Variants in ARHGAP23 observed in about 807,000 individuals in gnomAD.
The protein encoded by ARHGAP23 is rho GTPase-activating protein 23.
A neutral mutation model predicts 136.3 loss-of-function variants in ARHGAP23; 34 were observed. That is an observed-to-expected ratio of 0.25 (90% CI 0.19 to 0.33). The LOEUF is 0.33. Among genes scored for constraint, ARHGAP23 ranks in the 10% least tolerant of loss-of-function variants. The pLI is 1.00. For synonymous variants in ARHGAP23, 832 were observed against 920.5 expected, an observed-to-expected ratio of 0.90 and a Z score of 1.74; for missense variants, 1,808 against 2,139.0, an observed-to-expected ratio of 0.85 and a Z score of 3.05.
Position 38,510,189 on chromosome 17 carries a change from CCCGGCGGCGCCGGAGGAGCGGCCGG to C in ARHGAP23, c.3697_3721del (p.Ala1233ArgfsTer42). ...CCGAGGCCCCCGGACGCCTCAGTCCCCCGGCGGCGCCGGAGGAGCGGCCGGCCGCGGACACGCGCTCCATTGTGTC... is the reference window on the plus strand; with the variant it reads ...CCGAGGCCCCCGGACGCCTCAGTCCCCCGCGGACACGCGCTCCATTGTGTC... On this transcript the variant is annotated frameshift_variant, in exon 24 of 24. Coordinates refer to ENST00000622683, the MANE Select transcript of ARHGAP23 (RefSeq NM_001199417.2). LOFTEE classifies it high-confidence loss of function. This position sits in a 1 kb window ranked among gnomAD's most constrained non-coding sequence, Gnocchi z 4.6. 7.4e-7 allele frequency: 1 copy of C among 1,350,566 alleles called. No individual in the cohort carries two copies. Among genetic ancestry groups the C allele is most frequent in the Non-Finnish European group, 9.5e-7 (1 of 1,053,416 alleles). 83.7% of individuals were successfully genotyped at this position (1,350,566 alleles called of 1,614,324 possible). A position where few individuals can be genotyped will look rare whatever the true frequency, so the allele number is the denominator to read the frequency against.
At chr17:38,437,223 T>TGA (rs2038816945) in intron 1 of ARHGAP23, among the ~76,000 whole-genome samples, 1 of 150,668 alleles carries the variant, frequency 6.6e-6, no homozygotes, top group African/African-American at 2.5e-5. Context: ...TTTTTTTTTT[T>TGA]GAGAGAGGGT....
At chr17:38,426,752 A>G (rs1567767321), upstream of ARHGAP23, among the ~76,000 whole-genome samples, 1 of 152,218 alleles carries the variant, frequency 6.6e-6, no homozygotes, top group East Asian at 1.9e-4. Flanking sequence ...GATTTAAAAT[A>G]CATTAAATAA....
chr17:38,455,604 T>C (rs2039305502), intron 1 of ARHGAP23, among the ~76,000 whole-genome samples: 1 of 152,150 alleles, frequency 6.6e-6, no homozygotes, highest in East Asian at 1.9e-4. Context: ...CTGGGGCAGC[T>C]GGTGGCTTGA....
Position 38,497,373 on chromosome 17 carries a change from C to A in ARHGAP23, c.3277-412C>A, listed in dbSNP as rs34451048. On this transcript the variant is annotated intron_variant, in intron 20 of 23. Coordinates refer to ENST00000622683, the MANE Select transcript of ARHGAP23 (RefSeq NM_001199417.2). The stretch of plus-strand genomic sequence containing the variant: ...TGGCGTGGGGCACACTCGGCTGTCA[C>A]AGCCATGGACCTGGCCAACACTAAC... Among the ~76,000 whole-genome samples, 1,284 of 152,336 alleles carry A rather than the reference C, an allele frequency of 8.4e-3. 15 individuals carry two copies. The highest frequency in any genetic ancestry group is 0.03 in the African/African-American group (1,232 of 41,570).
rs557644473 is a variant in ARHGAP23, at chr17:38,467,661, TCC to T, written c.1648+331_1648+332del. 1.2e-4 allele frequency among the ~76,000 whole-genome samples: 19 copies of T among 152,172 alleles called. No homozygotes were observed. In the East Asian group the frequency reaches 3.7e-3, roughly 29 times the overall value. Reference sequence around the variant, plus strand: ...CTTCCTTCTTTCCTTCCTCTCTCCCTCCTTTGTTCATTCATTTGTTCCATCCA... The same window carrying T: ...CTTCCTTCTTTCCTTCCTCTCTCCCTTTTGTTCATTCATTTGTTCCATCCA... On this transcript the variant is annotated intron_variant, in intron 7 of 23. Transcript: ENST00000622683.
chr17:38,462,431 T>G (rs1204812544), intron 3 of ARHGAP23, among the ~76,000 whole-genome samples: 1 of 151,526 alleles, frequency 6.6e-6, no homozygotes, highest in African/African-American at 2.4e-5. Flanking sequence ...AATTTTTGTA[T>G]TTTTAGTAGA....
intron 10 of ARHGAP23, among the ~76,000 whole-genome samples, chr17:38,471,372 T>C (rs1224563596): frequency 6.6e-6 from 1 of 152,228 alleles, no homozygotes; most frequent in East Asian, 1.9e-4. Flanking sequence ...TTATTTCTTA[T>C]CACTTTTTCT....
upstream of ARHGAP23, among the ~76,000 whole-genome samples, chr17:38,423,487 T>C (rs919353869): frequency 3.3e-5 from 5 of 152,086 alleles, no homozygotes; most frequent in Non-Finnish European, 5.9e-5. Context: ...TTCTCCTGCC[T>C]CAGCCTCCTG....
chr17:38,422,779 G>A (rs1165318749), intron 1 of ARHGAP23, among the ~76,000 whole-genome samples: 1 of 152,170 alleles, frequency 6.6e-6, no homozygotes, highest in African/African-American at 2.4e-5. Flanking sequence ...GTGTTCAGGT[G>A]GGATTCTTCT....
upstream of ARHGAP23, among the ~76,000 whole-genome samples, chr17:38,424,583 T>C (rs1468400858): frequency 6.6e-6 from 1 of 152,138 alleles, no homozygotes; most frequent in East Asian, 1.9e-4. Context: ...TCACTCTCCC[T>C]GGAGAATCTG....
Position 38,473,126 on chromosome 17 carries a change from A to AT in ARHGAP23, c.2118+1127dup, listed in dbSNP as rs1449482413. On this transcript the variant is annotated intron_variant, in intron 11 of 23. Coordinates refer to ENST00000622683, the MANE Select transcript of ARHGAP23 (RefSeq NM_001199417.2). Reference sequence around the variant, plus strand: ...TAATTTTTTTTTTTTTTTTTTTTGTATTTTTTTAGTAGAGACGGAGTTTCA... The same window carrying AT: ...TAATTTTTTTTTTTTTTTTTTTTGTATTTTTTTTAGTAGAGACGGAGTTTCA... Among the ~76,000 whole-genome samples the AT allele has an allele frequency of 6.1e-5, 5 of 82,030 alleles. No homozygotes were observed. In the East Asian group the frequency reaches 1.3e-3, roughly 21 times the overall value. 53.8% of individuals were successfully genotyped at this position (82,030 alleles called of 152,430 possible). A position where few individuals can be genotyped will look rare whatever the true frequency, so the allele number is the denominator to read the frequency against.
rs1463470189 is a variant in ARHGAP23, at chr17:38,466,190, G to A, written c.507G>A (p.Leu169=). The A allele has an allele frequency of 2.0e-6, 3 of 1,511,844 alleles. No homozygotes were observed. The highest frequency in any genetic ancestry group is 2.5e-5 in the South Asian group (2 of 80,600). 93.7% of individuals were successfully genotyped at this position (1,511,844 alleles called of 1,614,324 possible). A position where few individuals can be genotyped will look rare whatever the true frequency, so the allele number is the denominator to read the frequency against. ...AGGCCTACTCCCAGGATGCCTACCT[G>A]AAAGGGAACGAGCCGTATTCTGGAG... is the stretch of plus-strand genomic sequence containing the variant. ...LQLAYSQDAY[L]KGNEPYSGEA... is the part of the protein sequence containing the mutation. Residue 169 remains leucine (L), a synonymous_variant, in exon 7 of 24, where the codon CTG becomes CTA. Transcript: ENST00000622683.
At chr17:38,509,823 C>A in intron 23 of ARHGAP23, 121 bp from the exon 24 acceptor site, 1 of 754,840 alleles carries the variant, frequency 1.3e-6, no homozygotes, top group Non-Finnish European at 1.8e-6. Context: ...GCCGTGGGTG[C>A]TGGCCTTGGC....
chr17:38,420,590 G>A (rs2038510789), intron 1 of ARHGAP23, among the ~76,000 whole-genome samples: 1 of 152,132 alleles, frequency 6.6e-6, no homozygotes. Flanking sequence ...TGAGGAGTCG[G>A]GGGAGGTGGA....
chr17:38,453,261 T>C (rs60312147), intron 1 of ARHGAP23, among the ~76,000 whole-genome samples: 48,208 of 151,220 alleles, frequency 0.32, 8,152 homozygotes, highest in East Asian at 0.42. Context: ...GATAGTGTGT[T>C]TCTGGGGTAT....
At chr17:38,427,546 G>T (rs1033867775), upstream of ARHGAP23, among the ~76,000 whole-genome samples, 5 of 152,216 alleles carry the variant, frequency 3.3e-5, no homozygotes, top group Admixed American at 3.3e-4. Flanking sequence ...CCTTCTGGGG[G>T]ACAAGGAAAG....
At chr17:38,458,786 G>T (rs1429636885) in intron 2 of ARHGAP23, among the ~76,000 whole-genome samples, 1 of 152,196 alleles carries the variant, frequency 6.6e-6, no homozygotes, top group Admixed American at 6.5e-5. Context: ...CCCAGGCTGG[G>T]ACACAGGAGC....
chr17:38,490,239 G>A (rs1229277831), intron 18 of ARHGAP23, 64 bp downstream of exon 18: 1 of 1,482,180 alleles, frequency 6.7e-7, no homozygotes, highest in African/African-American at 1.4e-5. Context: ...TCTGTCCCAG[G>A]AGGCAGGGAG....
chr17:38,427,813 G>A (rs1178063142), upstream of ARHGAP23, among the ~76,000 whole-genome samples: 1 of 152,182 alleles, frequency 6.6e-6, no homozygotes, highest in Non-Finnish European at 1.5e-5. Context: ...CTGGCTGGGA[G>A]GGGCTTACCC....
Sources: allele counts gnomAD v4.1 joint callset (sites outside exome capture counted in the v4.1 genomes callset), GRCh38; gene constraint gnomAD v4.1.1; non-coding constraint Gnocchi (gnomAD v3.1); transcripts MANE v1.5; gene names NCBI Gene and HGNC (gene_info 2026-07-23, HGNC 2026-07-21).